Variants in AFF2 observed in about 807,000 individuals in gnomAD.
AFF2 encodes AF4/FMR2 family member 2.
A neutral mutation model predicts 76.9 loss-of-function variants in AFF2; 14 were observed. The ratio of observed to expected loss-of-function variants is 0.18; its 90% CI spans 0.12 to 0.28. The LOEUF (loss-of-function observed/expected upper bound fraction) is 0.28, where lower values mean the gene tolerates loss of function less well. Ranked by LOEUF, AFF2 falls within the 10% of genes least tolerant of loss-of-function variation. AFF2 has a pLI of 1.00. For missense variants in AFF2, 868 were observed against 1,001.1 expected (o/e 0.87, Z 1.79); for synonymous variants, 398 against 366.7 (o/e 1.09, Z -0.98).
intron 9 of AFF2, among the ~76,000 whole-genome samples, chrX:148,946,716 G>T (rs1266233924): frequency 8.9e-6 from 1 of 112,139 alleles, no homozygotes; most frequent in African/African-American, 3.2e-5. Context: ...AGCTTCTAGA[G>T]GCTGCCACAT....
chrX:148,929,883 G>T (rs2071693049), intron 9 of AFF2, among the ~76,000 whole-genome samples: 1 of 111,749 alleles, frequency 8.9e-6, no homozygotes, highest in Admixed American at 9.5e-5. Context: ...TCCACTACTT[G>T]CTAAATTTAT....
At chrX:148,588,703 C>G (rs1030966437) in intron 1 of AFF2, among the ~76,000 whole-genome samples, 8 of 111,855 alleles carry the variant, frequency 7.2e-5, no homozygotes, top group African/African-American at 2.6e-4. Flanking sequence ...CCAGTGTAGT[C>G]ATGTTTGTAT....
intron 3 of AFF2, among the ~76,000 whole-genome samples, chrX:148,807,688 G>A (rs2070154038): frequency 8.9e-6 from 1 of 112,433 alleles, no homozygotes; most frequent in African/African-American, 3.2e-5. Flanking sequence ...TTTAGCCTAG[G>A]CTGCCCACTC....
chrX:148,774,085 A>G (rs1603298449), intron 3 of AFF2, among the ~76,000 whole-genome samples: 1 of 111,932 alleles, frequency 8.9e-6, no homozygotes, highest in Non-Finnish European at 1.9e-5. Flanking sequence ...AGAAATGCCA[A>G]GTCAGGGTGA....
chrX:148,640,796 A>T (rs782289530), intron 1 of AFF2, among the ~76,000 whole-genome samples: 1 of 112,282 alleles, frequency 8.9e-6, no homozygotes, highest in African/African-American at 3.2e-5. Context: ...AGGCCAAATT[A>T]TCAGTTTCCA....
rs537487581 is a variant in AFF2, at chrX:148,660,433, A to G, written c.181-1475A>G. The stretch of plus-strand genomic sequence containing the variant: ...ACCCATTTCTAGCACTTCGCCCTCT[A>G]GCCATCTGCATATCCTCCCATCTTC... On this transcript the variant is annotated intron_variant, in intron 2 of 20. Coordinates refer to ENST00000370460, the MANE Select transcript of AFF2 (RefSeq NM_002025.4). Among the ~76,000 whole-genome samples the G allele has an allele frequency of 3.7e-4, 41 of 111,841 alleles. 1 individual carries two copies. The highest frequency in any genetic ancestry group is 3.4e-3 in the South Asian group (9 of 2,663).
At chrX:148,534,713 A>G (rs1557236349) in intron 1 of AFF2, among the ~76,000 whole-genome samples, 1 of 112,747 alleles carries the variant, frequency 8.9e-6, no homozygotes, top group African/African-American at 3.2e-5. Context: ...TGATGACAGA[A>G]AGAAAAACCA....
chrX:148,561,016 T>A (rs1168344550), intron 1 of AFF2, among the ~76,000 whole-genome samples: 1 of 111,987 alleles, frequency 8.9e-6, no homozygotes. Context: ...ATATTTTTTA[T>A]GTATTTGAAG....
At chrX:148,985,736 C>T (rs1223489363) in intron 19 of AFF2, among the ~76,000 whole-genome samples, 8 of 110,652 alleles carry the variant, frequency 7.2e-5, no homozygotes, top group African/African-American at 9.9e-5. Flanking sequence ...ATCTTTCTAT[C>T]AAGAAGTGAC....
At chrX:148,656,885 C>T (rs1025369228) in intron 2 of AFF2, among the ~76,000 whole-genome samples, 4 of 111,563 alleles carry the variant, frequency 3.6e-5, no homozygotes, top group African/African-American at 1.3e-4. Context: ...GCATCCAGTT[C>T]TGTATGATTC....
At chrX:148,733,360 G>A (rs1439504573) in intron 3 of AFF2, among the ~76,000 whole-genome samples, 1 of 110,595 alleles carries the variant, frequency 9.0e-6, no homozygotes, top group East Asian at 2.9e-4. Flanking sequence ...CTCACACATT[G>A]TATCCCTTTA....
At chrX:148,562,323 T>C (rs2053122801) in intron 1 of AFF2, among the ~76,000 whole-genome samples, 1 of 112,003 alleles carries the variant, frequency 8.9e-6, no homozygotes, top group Non-Finnish European at 1.9e-5. Flanking sequence ...GTAAAAGTCA[T>C]GCAACACCAG....
intron 3 of AFF2, among the ~76,000 whole-genome samples, chrX:148,753,214 G>A (rs1250878790): frequency 9.0e-6 from 1 of 111,716 alleles, no homozygotes; most frequent in Non-Finnish European, 1.9e-5. Context: ...CTTTTTTTCT[G>A]GAAGTCATGA....
intron 1 of AFF2, among the ~76,000 whole-genome samples, chrX:148,638,688 G>A (rs2054056903): frequency 9.0e-6 from 1 of 111,321 alleles, no homozygotes; most frequent in Non-Finnish European, 1.9e-5. Flanking sequence ...GGCACCTCAC[G>A]TGGCAAAAGA....
chrX:148,940,617 ATTTC>A (rs2071822305), intron 9 of AFF2, among the ~76,000 whole-genome samples: 1 of 110,922 alleles, frequency 9.0e-6, no homozygotes, highest in Non-Finnish European at 1.9e-5. Context: ...GTTTGTTTCC[ATTTC>A]TTTCTATGTC....
intron 3 of AFF2, among the ~76,000 whole-genome samples, chrX:148,781,951 C>T (rs1244703576): frequency 9.0e-6 from 1 of 111,218 alleles, no homozygotes; most frequent in Admixed American, 9.5e-5. Flanking sequence ...GTTCCCTGAC[C>T]CCTTGCACTT....
intron 1 of AFF2, among the ~76,000 whole-genome samples, chrX:148,592,107 C>T (rs2053527613): frequency 8.9e-6 from 1 of 111,868 alleles, no homozygotes; most frequent in African/African-American, 3.3e-5. Flanking sequence ...CACCATCAAT[C>T]GAGCAGCTGC....
At chrX:148,838,857 C>G (rs1173862151) in intron 5 of AFF2, among the ~76,000 whole-genome samples, 1 of 112,121 alleles carries the variant, frequency 8.9e-6, no homozygotes, top group Non-Finnish European at 1.9e-5. Flanking sequence ...TAACACTGAT[C>G]TAAACTTTGC....
intron 3 of AFF2, among the ~76,000 whole-genome samples, chrX:148,778,788 T>A (rs1351443337): frequency 9.0e-6 from 1 of 111,672 alleles, no homozygotes; most frequent in Non-Finnish European, 1.9e-5. Context: ...TGTTAATCTT[T>A]TCAAAAAACC....
Sources: gnomAD v4.1 joint callset for allele counts (sites outside exome capture counted in the v4.1 genomes callset) on GRCh38, gnomAD v4.1.1 for gene constraint, MANE v1.5 for transcripts, NCBI Gene and HGNC (gene_info 2026-07-23, HGNC 2026-07-21) for gene names.